Variants in EYS observed in about 807,000 individuals in gnomAD.
EYS encodes the protein protein eyes shut homolog.
EYS carries 250 observed loss-of-function variants against 282.1 expected under a neutral mutation model. The observed-to-expected ratio is 0.89, with a 90% CI of 0.80 to 0.98. The LOEUF is 0.98. Among genes scored for constraint, EYS ranks in the 50% least tolerant of loss-of-function variants. The pLI is 0.00. For synonymous variants in EYS, 1,355 were observed against 1,282.9 expected (o/e 1.06, Z -1.20); for missense variants, 4,016 against 3,709.0 (o/e 1.08, Z -2.15).
At chr6:64,786,232 G>C (rs1332386064) in intron 22 of EYS, among the ~76,000 whole-genome samples, 1 of 147,408 alleles carries the variant, frequency 6.8e-6, no homozygotes, top group Non-Finnish European at 1.5e-5. Context: ...GGGTTTAATA[G>C]GCAAAAAGGG....
At chr6:65,287,038 G>A (rs749691384) in intron 12 of EYS, among the ~76,000 whole-genome samples, 6 of 151,286 alleles carry the variant, frequency 4.0e-5, no homozygotes, top group Non-Finnish European at 8.9e-5. Context: ...TGGATTTCCC[G>A]CAGGAAGCTC....
At chr6:64,745,329 TTA>T (rs1158909308) in intron 22 of EYS, among the ~76,000 whole-genome samples, 1 of 152,184 alleles carries the variant, frequency 6.6e-6, no homozygotes, top group East Asian at 1.9e-4. Flanking sequence ...ATTTATGGGC[TTA>T]GTAGGTGAAT....
intron 31 of EYS, among the ~76,000 whole-genome samples, chr6:64,095,634 G>C (rs934374240): frequency 3.4e-5 from 5 of 146,648 alleles, no homozygotes; most frequent in Non-Finnish European, 7.5e-5. Context: ...CCTTTATTTT[G>C]AGCCTATATG....
rs1491157499 is a variant in EYS at position 64,757,742 on chromosome 6, CTT to C, written c.3443+55634_3443+55635del. Among the ~76,000 whole-genome samples the C allele has an allele frequency of 4.7e-4, 30 of 63,920 alleles. No individual in the cohort carries two copies. The East Asian group carries it at 0.012, about 26-fold the overall frequency. The allele number at this position is 63,920 out of a possible 152,430, so 41.9% of individuals were successfully genotyped here. A position where few individuals can be genotyped will look rare whatever the true frequency, so the allele number is the denominator to read the frequency against. The stretch of plus-strand genomic sequence containing the variant: ...AAAGATTAATTTTTTTTCTTTTTTT[CTT>C]TGTGTGTGTGTGTGTGTGTGTGTGT... On this transcript the variant is annotated intron_variant, in intron 22 of 42. Transcript: ENST00000503581.
At chr6:64,361,002 TGAGGAAAATCAATCTCAGG>T (rs1771983402) in intron 29 of EYS, among the ~76,000 whole-genome samples, 1 of 151,666 alleles carries the variant, frequency 6.6e-6, no homozygotes, top group Non-Finnish European at 1.5e-5. Flanking sequence ...CTTGAAAACC[TGAGGAAAATCAATCTCAGG>T]GAGAAACAAA....
At chr6:64,718,270 G>T (rs570066407) in intron 22 of EYS, among the ~76,000 whole-genome samples, 18 of 152,144 alleles carry the variant, frequency 1.2e-4, no homozygotes, top group Middle Eastern at 6.8e-3. Context: ...TCTACCAGCC[G>T]CCTTAGCTGA....
Position 63,721,629 on chromosome 6 carries a change from C to T in EYS, c.8402G>A (p.Gly2801Glu). 1.3e-6 allele frequency: 2 copies of T among 1,551,066 alleles called. No homozygotes were observed. Among genetic ancestry groups the T allele is most frequent in the Non-Finnish European group, 1.7e-6 (2 of 1,146,472 alleles). The change falls in exon 43 of 43, where the codon GGG becomes GAG. Residue 2801 changes from glycine to glutamate, a missense_variant. Coordinates refer to ENST00000503581, the MANE Select transcript of EYS (RefSeq NM_001142800.2). The part of the protein sequence containing the change: ...VGAEGYLDLD[G>E]INVTEKASTK... ...GGAGGCCTTTTCTGTTACATTTATC[C>T]CATCTAGATCCAGGTAGCCTTCTGC...
intron 5 of EYS, among the ~76,000 whole-genome samples, chr6:65,460,632 G>C (rs973388586): frequency 6.6e-6 from 1 of 152,042 alleles, no homozygotes; most frequent in East Asian, 1.9e-4. Context: ...GCCAGCTTTA[G>C]TTTACTCAGC....
chr6:63,735,365 G>T (rs1301516588), intron 41 of EYS, among the ~76,000 whole-genome samples: 1 of 151,960 alleles, frequency 6.6e-6, no homozygotes, highest in African/African-American at 2.4e-5. Flanking sequence ...TAGATAAGTT[G>T]CCATAACAAA....
At chr6:65,450,122 T>TA (rs996426280) in intron 5 of EYS, among the ~76,000 whole-genome samples, 6 of 152,174 alleles carry the variant, frequency 3.9e-5, no homozygotes, top group Admixed American at 1.3e-4. Flanking sequence ...CTGACATTCT[T>TA]ACACAGTTTG....
chr6:64,850,137 C>T (rs961582440), intron 19 of EYS, among the ~76,000 whole-genome samples: 3 of 152,066 alleles, frequency 2.0e-5, no homozygotes, highest in African/African-American at 7.2e-5. Context: ...TGTTTAGACT[C>T]ACTTGCCACA....
Position 64,872,386 on chromosome 6 carries a change from ATAAT to A in EYS, c.2992+14307_2992+14310del, listed in dbSNP as rs781444766. 6.2e-4 allele frequency among the ~76,000 whole-genome samples: 95 copies of A among 152,072 alleles called. 1 individual carries two copies. Among genetic ancestry groups the A allele is most frequent in the Admixed American group, 9.2e-4 (14 of 15,222 alleles). ...TGGGCCACATTTAGCAAGCTGCCTA[ATAAT>A]TAATTAAATGTTGAAAACCAATGGT... On this transcript the variant is annotated intron_variant, in intron 19 of 42. Transcript: ENST00000503581.
chr6:64,054,640 A>G lies in EYS; in HGVS notation c.6725+11698T>C, dbSNP rs372877115. Among the ~76,000 whole-genome samples the G allele has an allele frequency of 7.2e-5, 11 of 152,298 alleles. No individual in the cohort carries two copies. The East Asian group carries it at 2.1e-3, about 29-fold the overall frequency. ...GGAATGAGTTGTATAGCATGGTTAA[A>G]TATAAGGGCTCTAGAGTAAAATGGC... is the stretch of plus-strand genomic sequence containing the variant. On this transcript the variant is annotated intron_variant, in intron 33 of 42. Coordinates refer to ENST00000503581, the MANE Select transcript of EYS (RefSeq NM_001142800.2).
Position 65,184,955 on chromosome 6 carries a change from C to T in EYS, c.2023+110908G>A, listed in dbSNP as rs77271865. 4.8e-3 allele frequency among the ~76,000 whole-genome samples: 713 copies of T among 149,718 alleles called. 4 individuals carry two copies. Among genetic ancestry groups the T allele is most frequent in the African/African-American group, 0.015 (630 of 40,788 alleles). On this transcript the variant is annotated intron_variant, in intron 12 of 42. Coordinates refer to ENST00000503581, the MANE Select transcript of EYS (RefSeq NM_001142800.2). ...TTTATTTTGGATAGATGCATAGCTA[C>T]AATAAAATATTTTGTTCTAGTATGT...
At chr6:64,325,381 G>A (rs1314978416) in intron 29 of EYS, among the ~76,000 whole-genome samples, 1 of 152,182 alleles carries the variant, frequency 6.6e-6, no homozygotes, top group African/African-American at 2.4e-5. Flanking sequence ...ACTGCATCAA[G>A]GGAACACCCT....
At chr6:64,517,055 C>T (rs182381593) in intron 26 of EYS, among the ~76,000 whole-genome samples, 24 of 151,760 alleles carry the variant, frequency 1.6e-4, no homozygotes, top group African/African-American at 4.8e-4. Context: ...ATTGGAGAAA[C>T]GTTAAAAATA....
At chr6:63,729,131 A>T (rs776046283) in intron 41 of EYS, among the ~76,000 whole-genome samples, 2 of 152,040 alleles carry the variant, frequency 1.3e-5, no homozygotes, top group Non-Finnish European at 2.9e-5. Flanking sequence ...TTCTGTAGTG[A>T]GGTTTATGTT....
chr6:63,806,156 C>T lies in EYS; in HGVS notation c.7411+34G>A, dbSNP rs750203967. 9.3e-6 allele frequency: 14 copies of T among 1,507,906 alleles called. No individual in the cohort carries two copies. The African/African-American group carries it at 1.1e-4, about 12-fold the overall frequency. 93.4% of individuals were successfully genotyped at this position (1,507,906 alleles called of 1,614,324 possible). A position where few individuals can be genotyped will look rare whatever the true frequency, so the allele number is the denominator to read the frequency against. ...AATCTCTAAAGTATTCTTAAAGGAGCGAGGCAAGTCCTAGAGGGTTCAGTT... is the reference window on the plus strand; with the variant it reads ...AATCTCTAAAGTATTCTTAAAGGAGTGAGGCAAGTCCTAGAGGGTTCAGTT... On this transcript the variant is annotated intron_variant, in intron 37 of 42. Transcript: ENST00000503581.
chr6:64,207,145 G>A (rs939437256), intron 31 of EYS, among the ~76,000 whole-genome samples: 1 of 151,994 alleles, frequency 6.6e-6, no homozygotes, highest in African/African-American at 2.4e-5. Context: ...TGGACGATGG[G>A]GCCTTTAAGA....
Sources: allele counts gnomAD v4.1 joint callset (sites outside exome capture counted in the v4.1 genomes callset), GRCh38; gene constraint gnomAD v4.1.1; transcripts MANE v1.5; gene names NCBI Gene and HGNC (gene_info 2026-07-23, HGNC 2026-07-21).